Variants in RABGAP1L observed in about 807,000 individuals in gnomAD.
RABGAP1L encodes rab GTPase-activating protein 1-like.
RABGAP1L carries 63 observed loss-of-function variants against 137.7 expected under a neutral mutation model. That is an observed-to-expected ratio of 0.46 (90% CI 0.37 to 0.56). The LOEUF is 0.56. RABGAP1L is among the 20% of genes least tolerant of loss of function. The pLI is 0.00. For synonymous variants in RABGAP1L, 431 were observed against 433.7 expected (o/e 0.99, Z 0.08); for missense variants, 1,095 against 1,244.0 (o/e 0.88, Z 1.80).
chr1:174,764,482 A>G lies in RABGAP1L; in HGVS notation c.2211+12128A>G, dbSNP rs189024389. On this transcript the variant is annotated intron_variant, in intron 18 of 25. Coordinates refer to ENST00000681986, the MANE Select transcript of RABGAP1L (RefSeq NM_001366446.1). ...AAGCCCAATATGATGTGCTGCCTCA[A>G]CATCTGGCAGAAATCAGGAAGGCCT... is the stretch of plus-strand genomic sequence containing the variant. Among the ~76,000 whole-genome samples, 278 of 152,366 alleles carry G rather than the reference A, an allele frequency of 1.8e-3. 2 individuals are homozygous for G. The highest frequency in any genetic ancestry group is 6.4e-3 in the African/African-American group (265 of 41,576).
intron 13 of RABGAP1L, among the ~76,000 whole-genome samples, chr1:174,441,611 G>C (rs920789664): frequency 2.0e-5 from 3 of 152,078 alleles, no homozygotes; most frequent in Non-Finnish European, 2.9e-5. Context: ...GTGCATGCCT[G>C]TAATCCCAGC....
chr1:174,226,818 G>A (rs992386980), intron 3 of RABGAP1L, among the ~76,000 whole-genome samples: 5 of 151,154 alleles, frequency 3.3e-5, no homozygotes, highest in Admixed American at 1.3e-4. Context: ...TTTAAAGAGT[G>A]TTTCTTGTAG....
intron 17 of RABGAP1L, among the ~76,000 whole-genome samples, chr1:174,713,361 GT>G (rs1172290270): frequency 6.6e-6 from 1 of 152,158 alleles, no homozygotes; most frequent in Non-Finnish European, 1.5e-5. Flanking sequence ...GTCTGATATG[GT>G]TTTGATATTT....
intron 19 of RABGAP1L, among the ~76,000 whole-genome samples, chr1:174,904,073 A>G (rs1374025557): frequency 6.6e-6 from 1 of 152,074 alleles, no homozygotes. Context: ...ATATAGCGCC[A>G]AGATTTTTGC....
intron 18 of RABGAP1L, among the ~76,000 whole-genome samples, chr1:174,797,659 T>TGGGGTGTGTGGGGAGTGTGTGG (rs1688361234): frequency 1.1e-5 from 1 of 92,916 alleles, no homozygotes; most frequent in Non-Finnish European, 2.1e-5. Flanking sequence ...GGAGTGTGTG[T>TGGGGTGTGTGGGGAGTGTGTGG]GTGGTGTGGG....
intron 17 of RABGAP1L, among the ~76,000 whole-genome samples, chr1:174,744,090 TAAAAAAAAAA>T (rs10694829): frequency 8.9e-5 from 4 of 45,128 alleles, no homozygotes; most frequent in Non-Finnish European, 1.2e-4. Flanking sequence ...GTGAAATACG[TAAAAAAAAAA>T]AAAAAAAAAA....
intron 11 of RABGAP1L, among the ~76,000 whole-genome samples, chr1:174,329,051 C>T (rs1182756433): frequency 7.3e-6 from 1 of 137,574 alleles, no homozygotes; most frequent in Admixed American, 7.0e-5. Flanking sequence ...AAAAAAAAAA[C>T]CCAGGAAACA....
intron 21 of RABGAP1L, among the ~76,000 whole-genome samples, chr1:174,972,811 A>C (rs1206060263): frequency 7.5e-6 from 1 of 133,830 alleles, no homozygotes; most frequent in Non-Finnish European, 1.5e-5. Flanking sequence ...CCAAGATCGC[A>C]CCATTGTACT....
intron 2 of RABGAP1L, among the ~76,000 whole-genome samples, chr1:174,219,652 C>CT (rs1216111500): frequency 6.6e-6 from 1 of 152,102 alleles, no homozygotes; most frequent in African/African-American, 2.4e-5. Flanking sequence ...ACTTGAGAGA[C>CT]TTTTTTCTTT....
intron 19 of RABGAP1L, among the ~76,000 whole-genome samples, chr1:174,917,932 TAAAA>T (rs77326102): frequency 1.2e-4 from 14 of 116,464 alleles, no homozygotes; most frequent in African/African-American, 4.6e-4. Context: ...GACTCTGTCT[TAAAA>T]AAAAAAAAAA....
intron 20 of RABGAP1L, chr1:174,965,010 A>G (rs1290927797): frequency 3.6e-6 from 5 of 1,406,122 alleles, no homozygotes; most frequent in Non-Finnish European, 3.9e-6. Flanking sequence ...TAATCTATGT[A>G]TGTCTGTAAC....
chr1:174,319,280 ACTT>A (rs1212570799), intron 11 of RABGAP1L, among the ~76,000 whole-genome samples: 2 of 152,154 alleles, frequency 1.3e-5, no homozygotes, highest in South Asian at 2.1e-4. Context: ...AATTTTAAGT[ACTT>A]CTTGTTATTA....
rs1475617886 is a variant in RABGAP1L, at chr1:174,382,774, CCTT to C, written c.1560-11215_1560-11213del. Among the ~76,000 whole-genome samples, 103 of 150,464 alleles carry C rather than the reference CCTT, an allele frequency of 6.8e-4. No homozygotes were observed. In the South Asian group the frequency reaches 7.5e-3, roughly 11 times the overall value. Reference sequence around the variant, plus strand: ...CTCAGAGTAATTTGATCGTCTGAAGCCTTCTTCTCTCAGCTTGTCAAAGTCATT... The same window carrying C: ...CTCAGAGTAATTTGATCGTCTGAAGCCTTCTCTCAGCTTGTCAAAGTCATT... On this transcript the variant is annotated intron_variant, in intron 12 of 25. Transcript: ENST00000681986.
chr1:174,387,152 A>C (rs930203606), intron 12 of RABGAP1L, among the ~76,000 whole-genome samples: 6 of 152,228 alleles, frequency 3.9e-5, no homozygotes, highest in Non-Finnish European at 8.8e-5. Flanking sequence ...ATAAGAGATT[A>C]TTTAACAAAG....
At chr1:174,279,486 G>T (rs12724767) in intron 10 of RABGAP1L, among the ~76,000 whole-genome samples, 2,253 of 151,974 alleles carry the variant, frequency 0.015, 20 homozygotes, top group Non-Finnish European at 0.023. Context: ...TAAAATGCTT[G>T]CTGCTTCATA....
At chr1:174,289,234 G>C (rs1676353682) in intron 10 of RABGAP1L, among the ~76,000 whole-genome samples, 1 of 152,072 alleles carries the variant, frequency 6.6e-6, no homozygotes, top group South Asian at 2.1e-4. Context: ...GTAGAGACAG[G>C]GTCTTGCTGT....
chr1:174,427,846 G>A (rs1652138913), intron 13 of RABGAP1L, among the ~76,000 whole-genome samples: 1 of 152,090 alleles, frequency 6.6e-6, no homozygotes, highest in Non-Finnish European at 1.5e-5. Flanking sequence ...TGTGTGCCAG[G>A]CACTGTACTT....
At chr1:174,590,507 G>C (rs1281747677) in intron 13 of RABGAP1L, among the ~76,000 whole-genome samples, 2 of 91,420 alleles carry the variant, frequency 2.2e-5, no homozygotes, top group African/African-American at 4.5e-5. Flanking sequence ...CCCCTCCCCC[G>C]ACCCCACCAC....
chr1:174,278,399 AAAC>A (rs1675193602), intron 9 of RABGAP1L, among the ~76,000 whole-genome samples: 1 of 152,206 alleles, frequency 6.6e-6, no homozygotes, highest in African/African-American at 2.4e-5. Context: ...CTCTGTCTCA[AAAC>A]AACAAACACT....
Sources: allele counts gnomAD v4.1 joint callset (sites outside exome capture counted in the v4.1 genomes callset), GRCh38; gene constraint gnomAD v4.1.1; transcripts MANE v1.5; gene names NCBI Gene and HGNC (gene_info 2026-07-23, HGNC 2026-07-21).